PHF14: variants seen among roughly 807,000 people sequenced by gnomAD.
PHF14 encodes the protein PHD finger protein 14.
PHF14 carries 55 observed loss-of-function variants against 117.9 expected under a neutral mutation model. That is an observed-to-expected ratio of 0.47 (90% CI 0.38 to 0.58). The LOEUF (loss-of-function observed/expected upper bound fraction) is 0.58. PHF14 is among the 20% of genes least tolerant of loss of function. The pLI is 0.00. For missense variants in PHF14, 978 were observed against 1,122.2 expected (o/e 0.87, Z 1.84); for synonymous variants, 409 against 368.6 (o/e 1.11, Z -1.26).
chr7:11,067,883 A>G (rs1265244401), intron 16 of PHF14, among the ~76,000 whole-genome samples: 1 of 152,090 alleles, frequency 6.6e-6, no homozygotes, highest in Non-Finnish European at 1.5e-5. Context: ...ATAGAGTTAG[A>G]ACACACCCCT....
intron 17 of PHF14, among the ~76,000 whole-genome samples, chr7:11,127,190 T>C (rs1787951327): frequency 6.6e-6 from 1 of 151,800 alleles, no homozygotes; most frequent in African/African-American, 2.4e-5. Flanking sequence ...TCCTTTAAAC[T>C]GGGAAACCTG....
At chr7:11,104,690 G>A (rs1787199230) in intron 16 of PHF14, 1 of 920,784 alleles carries the variant, frequency 1.1e-6, no homozygotes. Context: ...ATCACAGGAA[G>A]GATTTGTAAA....
chr7:11,154,291 C>T (rs1356179416), intron 17 of PHF14, among the ~76,000 whole-genome samples: 1 of 152,076 alleles, frequency 6.6e-6, no homozygotes, highest in Non-Finnish European at 1.5e-5. Context: ...TGTGTCTGTA[C>T]ATTTGCATGT....
intron 4 of PHF14, among the ~76,000 whole-genome samples, chr7:11,010,345 A>G (rs1044458030): frequency 6.6e-6 from 1 of 152,044 alleles, no homozygotes; most frequent in African/African-American, 2.4e-5. Context: ...ACCCAAGGTG[A>G]TGAAGATGAT....
At chr7:11,028,859 A>C (rs1192598695) in intron 7 of PHF14, 41 bp downstream of exon 7, 3 of 1,570,280 alleles carry the variant, frequency 1.9e-6, no homozygotes, top group Admixed American at 1.7e-5. Flanking sequence ...CATGTTCACA[A>C]GATATCTTTT....
intron 7 of PHF14, among the ~76,000 whole-genome samples, chr7:11,032,061 T>G (rs1275784310): frequency 6.6e-6 from 1 of 152,030 alleles, no homozygotes; most frequent in East Asian, 1.9e-4. Flanking sequence ...CAAGAGGATT[T>G]TGAGATGAGC....
chr7:11,058,898 C>T (rs898415453), intron 14 of PHF14, among the ~76,000 whole-genome samples: 2 of 152,048 alleles, frequency 1.3e-5, no homozygotes, highest in African/African-American at 4.8e-5. Context: ...ATTGCTTTTT[C>T]AGAGCTCTAA....
intron 17 of PHF14, among the ~76,000 whole-genome samples, chr7:11,158,747 A>T (rs1310634425): frequency 1.3e-5 from 2 of 152,140 alleles, no homozygotes; most frequent in Non-Finnish European, 2.9e-5. Context: ...GTCTCTAAGG[A>T]GAAATATAAG....
intron 16 of PHF14, among the ~76,000 whole-genome samples, chr7:11,075,230 C>A (rs1010491949): frequency 1.3e-5 from 2 of 152,172 alleles, no homozygotes; most frequent in Non-Finnish European, 2.9e-5. Context: ...TGGGCCACTG[C>A]ACCTGGCCTT....
intron 16 of PHF14, among the ~76,000 whole-genome samples, chr7:11,074,985 T>A (rs1785776487): frequency 6.6e-6 from 1 of 151,170 alleles, no homozygotes; most frequent in Non-Finnish European, 1.5e-5. Context: ...TCACCCATGC[T>A]GGAGTGCAGT....
At chr7:11,162,332 C>T (rs1457879813) in intron 17 of PHF14, among the ~76,000 whole-genome samples, 2 of 152,032 alleles carry the variant, frequency 1.3e-5, no homozygotes, top group Non-Finnish European at 2.9e-5. Flanking sequence ...TCAGATGATC[C>T]ACCCACCTCG....
chr7:11,131,463 A>G (rs1481167985), intron 17 of PHF14, among the ~76,000 whole-genome samples: 1 of 151,924 alleles, frequency 6.6e-6, no homozygotes, highest in African/African-American at 2.4e-5. Flanking sequence ...TGAGATACCT[A>G]TTCAGATCTT....
chr7:11,025,329 A>AT (rs2128319262), intron 6 of PHF14, among the ~76,000 whole-genome samples: 1 of 152,328 alleles, frequency 6.6e-6, no homozygotes, highest in East Asian at 1.9e-4. Flanking sequence ...AAGACTTAGG[A>AT]TATTACATAA....
At chr7:11,059,322 A>G (rs1347057432) in intron 14 of PHF14, among the ~76,000 whole-genome samples, 2 of 152,266 alleles carry the variant, frequency 1.3e-5, no homozygotes, top group African/African-American at 4.8e-5. Context: ...ACTACATGAT[A>G]CATTTGCTAG....
chr7:11,054,246 C>T (rs1484873799), intron 14 of PHF14, among the ~76,000 whole-genome samples: 1 of 151,982 alleles, frequency 6.6e-6, no homozygotes, highest in Non-Finnish European at 1.5e-5. Flanking sequence ...CACCCTAGAG[C>T]TAGTATAGAC....
intron 8 of PHF14, 75 bp from the exon 9 acceptor site, chr7:11,036,343 A>C (rs1307960484): frequency 7.2e-6 from 9 of 1,254,044 alleles, no homozygotes; most frequent in Non-Finnish European, 1.0e-5. Flanking sequence ...CATGGGAATA[A>C]AAATCAATGT....
In PHF14 at chr7:11,001,120, C is replaced by T. The variant is rs1219371666; in HGVS notation, c.1045+10273C>T. ...ATTCATTATTTTGCATGTGTGTGTT[C>T]AATTTTTCTATCACCATTTGTTAAA... On this transcript the variant is annotated intron_variant, in intron 4 of 17. Transcript: ENST00000634607. Among the ~76,000 whole-genome samples, 7 of 152,124 alleles carry T rather than the reference C, an allele frequency of 4.6e-5. No individual in the cohort carries two copies. In the East Asian group the frequency reaches 7.7e-4, roughly 17 times the overall value.
chr7:10,984,730 G>C (rs933801230), intron 3 of PHF14, among the ~76,000 whole-genome samples: 1 of 152,142 alleles, frequency 6.6e-6, no homozygotes, highest in Non-Finnish European at 1.5e-5. Flanking sequence ...AGTGTGTGTA[G>C]TATCTGTTTA....
intron 2 of PHF14, among the ~76,000 whole-genome samples, chr7:10,979,553 C>CTTTT (rs202055293): frequency 7.6e-6 from 1 of 131,804 alleles, no homozygotes; most frequent in Admixed American, 7.6e-5. Context: ...CTTTCTCTCT[C>CTTTT]TTTTTTTTTT....
Sources: allele counts gnomAD v4.1 joint callset (sites outside exome capture counted in the v4.1 genomes callset), GRCh38; gene constraint gnomAD v4.1.1; transcripts MANE v1.5; gene names NCBI Gene and HGNC (gene_info 2026-07-23, HGNC 2026-07-21).